FNIP2: variants seen among roughly 807,000 people sequenced by gnomAD.
FNIP2 encodes folliculin interacting protein 2, also known as folliculin-interacting protein 2.
In FNIP2, 32 loss-of-function variants were observed where a neutral mutation model predicts 108.7. The ratio of observed to expected loss-of-function variants is 0.29; its 90% CI spans 0.22 to 0.40. FNIP2 has a LOEUF of 0.40. Ranked by LOEUF, FNIP2 falls within the 10% of genes least tolerant of loss-of-function variation. The probability of loss-of-function intolerance (pLI) is 1.00; values close to 1 mark genes in which losing one functional copy is unlikely to be tolerated. For synonymous variants in FNIP2, 480 were observed against 496.7 expected (o/e 0.97, Z 0.45); for missense variants, 1,202 against 1,381.6 (o/e 0.87, Z 2.06).
At chr4:158,897,397 G>A (rs1782790437) in intron 16 of FNIP2, among the ~76,000 whole-genome samples, 1 of 152,194 alleles carries the variant, frequency 6.6e-6, no homozygotes. Flanking sequence ...TCTAGTTCTA[G>A]ATCCTTGAGG....
intron 12 of FNIP2, among the ~76,000 whole-genome samples, chr4:158,864,125 C>T (rs1780447974): frequency 6.6e-6 from 1 of 152,118 alleles, no homozygotes; most frequent in Non-Finnish European, 1.5e-5. Flanking sequence ...CCCCAACCAC[C>T]CAGGCTCAAG....
intron 7 of FNIP2, among the ~76,000 whole-genome samples, chr4:158,839,748 T>G (rs912418208): frequency 2.0e-5 from 3 of 152,196 alleles, no homozygotes; most frequent in Non-Finnish European, 4.4e-5. Flanking sequence ...TCCTTTAACA[T>G]ACCTCTATCT....
intron 14 of FNIP2, among the ~76,000 whole-genome samples, chr4:158,887,814 T>C (rs1405106438): frequency 2.0e-5 from 3 of 151,988 alleles, no homozygotes; most frequent in Non-Finnish European, 4.4e-5. Context: ...TGTATTTCTG[T>C]GACAAATCCA....
At chr4:158,845,783 T>G (rs1461955459) in intron 7 of FNIP2, among the ~76,000 whole-genome samples, 1 of 152,272 alleles carries the variant, frequency 6.6e-6, no homozygotes, top group African/African-American at 2.4e-5. Flanking sequence ...AATTGTTATC[T>G]AGAGTATATG....
At chr4:158,782,689 G>A (rs867083556) in intron 1 of FNIP2, among the ~76,000 whole-genome samples, 4 of 152,054 alleles carry the variant, frequency 2.6e-5, no homozygotes, top group Admixed American at 2.6e-4. Context: ...CAGTTCTCAC[G>A]ATTGTTGTAT....
At chr4:158,803,862 C>G (rs1776846027) in intron 1 of FNIP2, among the ~76,000 whole-genome samples, 5 of 152,308 alleles carry the variant, frequency 3.3e-5, no homozygotes, top group Admixed American at 3.3e-4. Context: ...TAAGCACCCT[C>G]CTGATCAGAC....
intron 15 of FNIP2, chr4:158,893,057 T>C (rs996568527): frequency 1.3e-5 from 2 of 152,234 alleles, no homozygotes; most frequent in Non-Finnish European, 2.9e-5. Flanking sequence ...AGCTGGGTTA[T>C]GGTCTAGGCT....
At chr4:158,875,273 A>G (rs1468441886) in intron 14 of FNIP2, among the ~76,000 whole-genome samples, 1 of 151,968 alleles carries the variant, frequency 6.6e-6, no homozygotes, top group African/African-American at 2.4e-5. Context: ...AGCAGACTGG[A>G]CAGCTCTAAC....
intron 12 of FNIP2, among the ~76,000 whole-genome samples, chr4:158,865,098 G>A (rs1047363995): frequency 1.3e-5 from 2 of 151,978 alleles, no homozygotes; most frequent in African/African-American, 4.8e-5. Flanking sequence ...ATTTCACTTG[G>A]AAGCACGCTT....
chr4:158,814,900 G>C (rs960075153), intron 1 of FNIP2, among the ~76,000 whole-genome samples: 3 of 152,188 alleles, frequency 2.0e-5, no homozygotes, highest in Admixed American at 2.0e-4. Context: ...CAGTAGTTAA[G>C]GGCTTGTCTT....
intron 7 of FNIP2, among the ~76,000 whole-genome samples, chr4:158,848,743 G>A (rs1779539664): frequency 6.6e-6 from 1 of 152,160 alleles, no homozygotes; most frequent in African/African-American, 2.4e-5. Flanking sequence ...AAGGAATTCA[G>A]AATCCTATCA....
chr4:158,793,386 T>A (rs1776484351), intron 1 of FNIP2, among the ~76,000 whole-genome samples: 1 of 152,198 alleles, frequency 6.6e-6, no homozygotes, highest in Non-Finnish European at 1.5e-5. Flanking sequence ...CTTTTTCAGT[T>A]ACAGGACCCA....
chr4:158,792,382 T>C (rs1776449107), intron 1 of FNIP2, among the ~76,000 whole-genome samples: 1 of 151,978 alleles, frequency 6.6e-6, no homozygotes, highest in Non-Finnish European at 1.5e-5. Flanking sequence ...CTTTTTTTTT[T>C]TTTTTTGCTG....
intron 12 of FNIP2, among the ~76,000 whole-genome samples, chr4:158,862,644 A>T (rs1026356920): frequency 1.3e-5 from 2 of 152,252 alleles, no homozygotes; most frequent in African/African-American, 4.8e-5. Context: ...AGAGGTTTCA[A>T]ATGTTCCCAA....
intron 14 of FNIP2, among the ~76,000 whole-genome samples, chr4:158,878,864 TAAGAA>T (rs1325369678): frequency 5.2e-5 from 7 of 134,754 alleles, no homozygotes; most frequent in Admixed American, 7.4e-5. Context: ...TAGATTCATG[TAAGAA>T]CTAAAAACAA....
chr4:158,867,483 C>T (rs867444833), intron 12 of FNIP2, among the ~76,000 whole-genome samples: 4 of 152,314 alleles, frequency 2.6e-5, no homozygotes, highest in Middle Eastern at 3.4e-3. Context: ...TAAGCCACTG[C>T]GCCTGGCCCA....
chr4:158,778,086 C>T (rs1775917572), intron 1 of FNIP2, among the ~76,000 whole-genome samples: 1 of 152,120 alleles, frequency 6.6e-6, no homozygotes, highest in South Asian at 2.1e-4. Context: ...AACACTTAAC[C>T]CAGTAGTTCT....
At chr4:158,789,698 C>T (rs1042689117) in intron 1 of FNIP2, among the ~76,000 whole-genome samples, 4 of 152,174 alleles carry the variant, frequency 2.6e-5, no homozygotes, top group African/African-American at 9.7e-5. Flanking sequence ...TCTGTTATAA[C>T]GTGCAACAGG....
intron 14 of FNIP2, among the ~76,000 whole-genome samples, chr4:158,882,404 A>AC (rs1447174612): frequency 1.4e-5 from 2 of 142,504 alleles, no homozygotes; most frequent in African/African-American, 5.4e-5. Context: ...CCCGGCCACC[A>AC]CCCCGTCCGG....
Sources: gnomAD v4.1 joint callset for allele counts (sites outside exome capture counted in the v4.1 genomes callset) on GRCh38, gnomAD v4.1.1 for gene constraint, MANE v1.5 for transcripts, NCBI Gene and HGNC (gene_info 2026-07-23, HGNC 2026-07-21) for gene names.